CHD9: variants seen among roughly 807,000 people sequenced by gnomAD.
CHD9 encodes the protein ATP-dependent chromatin remodeler CHD9.
Under a neutral mutation model 316.1 loss-of-function variants are expected in CHD9, and 77 were observed. The ratio of observed to expected loss-of-function variants is 0.24; its 90% CI spans 0.20 to 0.29. CHD9 has a LOEUF of 0.29. Among genes scored for constraint, CHD9 ranks in the 10% least tolerant of loss-of-function variants. The pLI is 1.00. For missense variants in CHD9, 2,763 were observed against 3,438.1 expected (o/e 0.80, Z 4.91); for synonymous variants, 1,129 against 1,158.3 (o/e 0.97, Z 0.51).
intron 19 of CHD9, among the ~76,000 whole-genome samples, chr16:53,258,888 T>C (rs1185913621): frequency 1.3e-5 from 2 of 152,178 alleles, no homozygotes; most frequent in African/African-American, 2.4e-5. Flanking sequence ...TTTGAATTGC[T>C]TAATTTACAA....
intron 12 of CHD9, among the ~76,000 whole-genome samples, chr16:53,240,674 A>C (rs2049014473): frequency 1.3e-5 from 2 of 152,080 alleles, no homozygotes; most frequent in African/African-American, 4.8e-5. Flanking sequence ...TAACAGTAGT[A>C]CTAAAATCAT....
rs768727720 is a variant in CHD9, at chr16:53,324,116, G to A, written c.7915G>A (p.Ala2639Thr). Residue 2639 changes from alanine to threonine, a missense_variant, in exon 39 of 39, where the codon GCA (alanine) becomes ACA (threonine). By Grantham distance (58) the Ala-to-Thr change is moderately conservative (BLOSUM62 0). Coordinates refer to ENST00000447540, the MANE Select transcript of CHD9 (RefSeq NM_001308319.2). ...RRGRRPKSGIAKATAAAAAAS... is the reference protein window; with the variant it reads ...RRGRRPKSGITKATAAAAAAS... Reference sequence around the variant, plus strand: ...GGGGAGACGGCCTAAAAGTGGAATTGCAAAGGCCACAGCAGCAGCAGCTGC... The same window carrying A: ...GGGGAGACGGCCTAAAAGTGGAATTACAAAGGCCACAGCAGCAGCAGCTGC... 8.1e-6 allele frequency: 13 copies of A among 1,613,866 alleles called. No homozygotes were observed. The highest frequency in any genetic ancestry group is 1.1e-5 in the South Asian group (1 of 91,086).
intron 1 of CHD9, among the ~76,000 whole-genome samples, chr16:53,080,663 G>A (rs753861718): frequency 3.3e-5 from 5 of 152,196 alleles, no homozygotes; most frequent in Admixed American, 6.5e-5. Context: ...AGGAAGCGTA[G>A]TAAATACCGT....
chr16:53,123,391 C>G (rs2038832584), intron 1 of CHD9, among the ~76,000 whole-genome samples: 1 of 152,108 alleles, frequency 6.6e-6, no homozygotes, highest in African/African-American at 2.4e-5. Context: ...AACCACTAAT[C>G]TACTTTCTGT....
At chr16:53,102,089 T>C (rs1434641397) in intron 1 of CHD9, among the ~76,000 whole-genome samples, 3 of 152,182 alleles carry the variant, frequency 2.0e-5, no homozygotes, top group Non-Finnish European at 2.9e-5. Flanking sequence ...TGAATCTGGG[T>C]GATGCTGGTT....
At position 53,254,447 on chromosome 16, in the gene CHD9, C is replaced by A; in HGVS notation, c.3871C>A (p.Arg1291Ser). 1.9e-6 allele frequency: 3 copies of A among 1,566,096 alleles called. No individual in the cohort carries two copies. The highest frequency in any genetic ancestry group is 2.6e-6 in the Non-Finnish European group (3 of 1,152,578). ...NPQNDLQAQA[R>S]CHRIGQNKAV... ...CTTTTCATTTTTATAGGCCCAAGCT[C>A]GTTGCCACAGAATTGGTCAGAACAA... The change falls in exon 18 of 39, where the codon CGT becomes AGT. Residue 1291 changes from arginine to serine, a missense_variant. Arg to Ser is a moderately radical substitution (Grantham distance 110). This residue lies in a region of CHD9 where 199 missense variants were observed against 251.7 expected (regional missense o/e 0.79). Transcript: ENST00000447540.
rs775388823 is a variant in CHD9 at position 53,231,636 on chromosome 16, T to A, written c.2374-11T>A. On this transcript the variant is annotated splice_polypyrimidine_tract_variant and intron_variant, in intron 9 of 38. Transcript: ENST00000447540. Reference sequence around the variant, plus strand: ...TTTTTCAAAATGGTAAATGAAAAAATTTTTTTACAGCCTGTTATTTACTAC... The same window carrying A: ...TTTTTCAAAATGGTAAATGAAAAAAATTTTTTACAGCCTGTTATTTACTAC... 2.1e-5 allele frequency: 33 copies of A among 1,552,160 alleles called. No individual in the cohort carries two copies. Among genetic ancestry groups the A allele is most frequent in the East Asian group, 1.4e-4 (6 of 44,234 alleles).
Position 53,127,868 on chromosome 16 carries a change from G to A in CHD9, c.-164-28058G>A, listed in dbSNP as rs147602948. Reference sequence around the variant, plus strand: ...CCTGGGAGGTGGAGGTTGGTGTCCCGGGAGGTGGAGATTGCAGTTAGCCGA... The same window carrying A: ...CCTGGGAGGTGGAGGTTGGTGTCCCAGGAGGTGGAGATTGCAGTTAGCCGA... On this transcript the variant is annotated intron_variant, in intron 1 of 38. Transcript: ENST00000447540. 9.6e-4 allele frequency among the ~76,000 whole-genome samples: 145 copies of A among 150,580 alleles called. 1 individual carries two copies. Among genetic ancestry groups the A allele is most frequent in the Admixed American group, 7.8e-3 (118 of 15,116 alleles).
chr16:53,186,646 C>T lies in CHD9; in HGVS notation c.1453-22836C>T, dbSNP rs1164649379. Among the ~76,000 whole-genome samples the T allele has an allele frequency of 2.0e-5, 3 of 152,254 alleles. No homozygotes were observed. In the East Asian group the frequency reaches 5.8e-4, roughly 29 times the overall value. On this transcript the variant is annotated intron_variant, in intron 2 of 38. Coordinates refer to ENST00000447540, the MANE Select transcript of CHD9 (RefSeq NM_001308319.2). ...GCTGTTTCCCCACCCAAAATCTCAT[C>T]TTGAATTGTAGTTCCCGTAATCCTT...
At position 53,146,837 on chromosome 16, in the gene CHD9, G is replaced by A. The variant is rs189039805; in HGVS notation, c.-164-9089G>A. The stretch of plus-strand genomic sequence containing the variant: ...GTTAGAATGGTGACTTTTGTTACAC[G>A]TATTTTACCACATTAAAAAAGGTTT... On this transcript the variant is annotated intron_variant, in intron 1 of 38. Coordinates refer to ENST00000447540, the MANE Select transcript of CHD9 (RefSeq NM_001308319.2). Among the ~76,000 whole-genome samples the A allele has an allele frequency of 4.7e-5, 7 of 150,120 alleles. No individual in the cohort carries two copies. The East Asian group carries it at 7.8e-4, about 17-fold the overall frequency.
At chr16:53,211,018 G>C (rs189483734) in intron 3 of CHD9, among the ~76,000 whole-genome samples, 30 of 152,056 alleles carry the variant, frequency 2.0e-4, no homozygotes, top group African/African-American at 7.2e-4. Context: ...GCTCTGCCCA[G>C]TTTTAATTCA....
intron 1 of CHD9, among the ~76,000 whole-genome samples, chr16:53,107,587 A>G (rs535742551): frequency 8.6e-5 from 13 of 151,832 alleles, no homozygotes; most frequent in Non-Finnish European, 1.6e-4. Context: ...GGAAGCTGAG[A>G]CAGGAGGATC....
At chr16:53,153,115 G>A (rs2041248016) in intron 1 of CHD9, among the ~76,000 whole-genome samples, 2 of 152,178 alleles carry the variant, frequency 1.3e-5, no homozygotes, top group Non-Finnish European at 1.5e-5. Flanking sequence ...TTATGTGAAG[G>A]TCCGTATGCC....
intron 16 of CHD9, among the ~76,000 whole-genome samples, chr16:53,248,911 T>C (rs190502007): frequency 5.7e-4 from 87 of 152,352 alleles, no homozygotes; most frequent in Admixed American, 1.6e-3. Context: ...AGTTCATTTT[T>C]ATTTTTCATT....
At chr16:53,241,780 CT>C (rs1336158240) in intron 12 of CHD9, among the ~76,000 whole-genome samples, 2 of 152,154 alleles carry the variant, frequency 1.3e-5, no homozygotes, top group Non-Finnish European at 2.9e-5. Context: ...ACTATGGCAG[CT>C]TTTTAACTGT....
chr16:53,208,897 G>GA (rs2046103415), intron 2 of CHD9, among the ~76,000 whole-genome samples: 1 of 151,794 alleles, frequency 6.6e-6, no homozygotes, highest in South Asian at 2.1e-4. Context: ...TATAGAAAAA[G>GA]AAAAAAAATT....
chr16:53,057,573 G>C (rs2032313946), intron 1 of CHD9, among the ~76,000 whole-genome samples: 1 of 151,706 alleles, frequency 6.6e-6, no homozygotes, highest in Non-Finnish European at 1.5e-5. Flanking sequence ...AGAATTGCTT[G>C]AACCTGGGAG....
chr16:53,243,310 G>C lies in CHD9; in HGVS notation c.3054+294G>C, dbSNP rs561598637. Among the ~76,000 whole-genome samples, 4 of 152,158 alleles carry C rather than the reference G, an allele frequency of 2.6e-5. No individual in the cohort carries two copies. The South Asian group carries it at 8.3e-4, about 32-fold the overall frequency. ...AAAGAAAATAAGACCGTAAGTTTTT[G>C]TTTTGTTTGTTTGTTTGTTTAAGAT... On this transcript the variant is annotated intron_variant, in intron 13 of 38. Coordinates refer to ENST00000447540, the MANE Select transcript of CHD9 (RefSeq NM_001308319.2).
chr16:53,292,597 G>T (rs941442769), intron 28 of CHD9, among the ~76,000 whole-genome samples: 5 of 152,170 alleles, frequency 3.3e-5, no homozygotes, highest in Non-Finnish European at 7.3e-5. Flanking sequence ...AGACATGCAA[G>T]AGTTGTATTT....
Sources: gnomAD v4.1 joint callset for allele counts (sites outside exome capture counted in the v4.1 genomes callset) on GRCh38, gnomAD v4.1.1 for gene constraint, gnomAD v4.1.1 regional missense constraint, MANE v1.5 for transcripts, NCBI Gene and HGNC (gene_info 2026-07-23, HGNC 2026-07-21) for gene names.